The following OPA1 variants were observed in gnomAD, a reference collection of about 807,000 sequenced individuals.
The protein encoded by OPA1 is dynamin-like GTPase OPA1, mitochondrial.
In OPA1, 59 loss-of-function variants were observed where a neutral mutation model predicts 152.9. That is an observed-to-expected ratio of 0.39 (90% CI 0.31 to 0.48). OPA1 has a LOEUF of 0.48. Among genes scored for constraint, OPA1 ranks in the 20% least tolerant of loss-of-function variants. The pLI is 0.96. For synonymous variants in OPA1, 400 were observed against 389.9 expected, an observed-to-expected ratio of 1.03 and a Z score of -0.31; for missense variants, 1,008 against 1,216.8, an observed-to-expected ratio of 0.83 and a Z score of 2.55.
intron 29 of OPA1, among the ~76,000 whole-genome samples, chr3:193,684,673 ACTC>A (rs1340236996): frequency 6.7e-6 from 1 of 148,640 alleles, no homozygotes; most frequent in Non-Finnish European, 1.5e-5. Flanking sequence ...GTGATCTTGA[ACTC>A]CTGACCTCAT....
At chr3:193,596,365 A>G (rs5029643) in intron 1 of OPA1, among the ~76,000 whole-genome samples, 1 of 68,078 alleles carries the variant, frequency 1.5e-5, no homozygotes, top group African/African-American at 5.7e-5. Flanking sequence ...TCTTTTCTTA[A>G]TTTTCTTTTC....
intron 11 of OPA1, among the ~76,000 whole-genome samples, chr3:193,642,167 C>T (rs940634827): frequency 1.3e-5 from 2 of 152,164 alleles, no homozygotes; most frequent in Non-Finnish European, 2.9e-5. Context: ...AATATCACTC[C>T]TTGAGTGAAG....
chr3:193,618,434 C>T (rs565194137), intron 5 of OPA1, among the ~76,000 whole-genome samples: 45 of 151,642 alleles, frequency 3.0e-4, no homozygotes, highest in Admixed American at 1.1e-3. Flanking sequence ...GCCAAGATCG[C>T]GCCACTGCAC....
intron 11 of OPA1, among the ~76,000 whole-genome samples, chr3:193,639,676 A>G (rs757076990): frequency 1.3e-5 from 2 of 152,250 alleles, no homozygotes; most frequent in Non-Finnish European, 2.9e-5. Flanking sequence ...CGTTTTAAGT[A>G]AAATGGAAAG....
chr3:193,668,876 G>A, intron 29 of OPA1: 1 of 1,049,536 alleles, frequency 9.5e-7, no homozygotes, highest in Non-Finnish European at 1.2e-6. Context: ...GAGAACTCAA[G>A]GAAATCAGTG....
rs1714558336 is a variant in OPA1, at chr3:193,658,876, G to A, written c.2332-11G>A. 6.2e-7 allele frequency: 1 copy of A among 1,600,926 alleles called. No individual in the cohort carries two copies. On this transcript the variant is annotated splice_polypyrimidine_tract_variant and intron_variant, in intron 23 of 30. Transcript: ENST00000361510. ...AAACAAGTTGGCTTTTTCTCTTCTT[G>A]TTATTTTCAGAGGGTTATTCAACAC...
At chr3:193,615,290 T>G (rs1469605024) in intron 2 of OPA1, among the ~76,000 whole-genome samples, 1 of 152,166 alleles carries the variant, frequency 6.6e-6, no homozygotes, top group Non-Finnish European at 1.5e-5. Flanking sequence ...TAGGTTTGAT[T>G]TTGAGCTTAG....
At chr3:193,654,518 A>G (rs1713321181) in intron 21 of OPA1, among the ~76,000 whole-genome samples, 1 of 152,094 alleles carries the variant, frequency 6.6e-6, no homozygotes, top group African/African-American at 2.4e-5. Flanking sequence ...AAAAAGTGAA[A>G]TATTAATACA....
intron 30 of OPA1, among the ~76,000 whole-genome samples, chr3:193,693,795 G>A (rs187027352): frequency 6.6e-6 from 1 of 151,446 alleles, no homozygotes; most frequent in African/African-American, 2.4e-5. Context: ...AAACCATTAA[G>A]TGTTACAATA....
intron 29 of OPA1, among the ~76,000 whole-genome samples, chr3:193,674,033 C>T (rs1451877431): frequency 6.6e-6 from 1 of 152,200 alleles, no homozygotes; most frequent in Non-Finnish European, 1.5e-5. Flanking sequence ...ATTAGAGAGT[C>T]GGGCTCGCAG....
rs1004449009 is a variant in OPA1, at chr3:193,695,339, G to A, written c.*739G>A. On this transcript the variant is annotated 3_prime_UTR_variant, in exon 31 of 31. Transcript: ENST00000361510. Reference sequence around the variant, plus strand: ...TTTATTTTAGATGTTGTATACTTACGTTAGGCTTTCTGTTAATAGTGGTTT... The same window carrying A: ...TTTATTTTAGATGTTGTATACTTACATTAGGCTTTCTGTTAATAGTGGTTT... 6.6e-6 allele frequency: 1 copy of A among 152,076 alleles called. No homozygotes were observed. The highest frequency in any genetic ancestry group is 1.9e-4 in the East Asian group (1 of 5,194). 9.4% of individuals were successfully genotyped at this position (152,076 alleles called of 1,614,324 possible).
chr3:193,649,937 G>A (rs1200716945), intron 21 of OPA1, among the ~76,000 whole-genome samples: 1 of 152,144 alleles, frequency 6.6e-6, no homozygotes, highest in East Asian at 1.9e-4. Context: ...AGATATATAG[G>A]TTTACAGATT....
At chr3:193,634,496 C>T (rs1732625679) in intron 8 of OPA1, among the ~76,000 whole-genome samples, 1 of 151,942 alleles carries the variant, frequency 6.6e-6, no homozygotes, top group South Asian at 2.1e-4. Context: ...TGGCTCGCTG[C>T]AACCTCCGCC....
At chr3:193,659,367 C>CT in intron 24 of OPA1, 115 bp from the exon 25 acceptor site, 1 of 888,732 alleles carries the variant, frequency 1.1e-6, no homozygotes, top group Non-Finnish European at 1.8e-6. Flanking sequence ...TTTATTTCAA[C>CT]TGCCTTCATA....
In OPA1 at chr3:193,687,792, AT is replaced by A. The variant is rs200866689; in HGVS notation, c.2984-4269del. Among the ~76,000 whole-genome samples the A allele has an allele frequency of 5.3e-5, 8 of 152,350 alleles. No homozygotes were observed. In the East Asian group the frequency reaches 1.3e-3, roughly 26 times the overall value. ...AAAATGAATGAATTTATGAGAAATA[AT>A]TCTGCTTATTATTTGTAATGTAGCT... On this transcript the variant is annotated intron_variant, in intron 29 of 30. Coordinates refer to ENST00000361510, the MANE Select transcript of OPA1 (RefSeq NM_130837.3).
At chr3:193,632,447 C>T (rs1732236688) in intron 8 of OPA1, among the ~76,000 whole-genome samples, 1 of 152,136 alleles carries the variant, frequency 6.6e-6, no homozygotes, top group Non-Finnish European at 1.5e-5. Context: ...CGCCACTGCA[C>T]TCCAGCCTGG....
intron 11 of OPA1, among the ~76,000 whole-genome samples, chr3:193,641,507 T>TTGTG (rs1733780095): frequency 6.6e-6 from 1 of 152,174 alleles, no homozygotes; most frequent in Non-Finnish European, 1.5e-5. Context: ...TTCTTTGGGA[T>TTGTG]TGTGGCACCT....
intron 29 of OPA1, chr3:193,691,849 G>T: frequency 8.4e-6 from 4 of 476,082 alleles, no homozygotes; most frequent in South Asian, 5.4e-5. Flanking sequence ...TCCTCAAAGG[G>T]GTCAGTCAGT....
chr3:193,666,491 T>C, intron 28 of OPA1, 102 bp downstream of exon 28: 1 of 1,012,716 alleles, frequency 9.9e-7, no homozygotes, highest in African/African-American at 1.6e-5. Flanking sequence ...CAAAAGTAGA[T>C]TTATTAGAAA....
Sources: allele counts gnomAD v4.1 joint callset (sites outside exome capture counted in the v4.1 genomes callset), GRCh38; gene constraint gnomAD v4.1.1; transcripts MANE v1.5; gene names NCBI Gene and HGNC (gene_info 2026-07-23, HGNC 2026-07-21).